Variants in P2RY12 observed in about 807,000 individuals in gnomAD.
P2RY12 encodes the protein purinergic receptor P2Y12.
In P2RY12, 3 loss-of-function variants were observed where a neutral mutation model predicts 4.5. The ratio of observed to expected loss-of-function variants is 0.67; its 90% CI spans 0.31 to 1.74. The LOEUF is 1.74. Among genes scored for constraint, P2RY12 ranks in the 40% most tolerant of loss-of-function variants. P2RY12 has a pLI of 0.09. For missense variants in P2RY12, 356 were observed against 407.8 expected (o/e 0.87, Z 1.09); for synonymous variants, 148 against 154.1 (o/e 0.96, Z 0.29).
At chr3:151,354,192 C>A (rs749297648) in intron 1 of P2RY12, among the ~76,000 whole-genome samples, 28 of 143,776 alleles carry the variant, frequency 1.9e-4, no homozygotes, top group Non-Finnish European at 3.2e-4. Flanking sequence ...ATGACATTAT[C>A]AATCATATAT....
intron 1 of P2RY12, among the ~76,000 whole-genome samples, chr3:151,361,060 A>G (rs1037602897): frequency 1.3e-5 from 2 of 151,978 alleles, no homozygotes; most frequent in Admixed American, 6.6e-5. Context: ...CTTTATTTGT[A>G]TCCCTCTTGA....
At chr3:151,368,892 G>A (rs1421499541) in intron 1 of P2RY12, among the ~76,000 whole-genome samples, 1 of 150,830 alleles carries the variant, frequency 6.6e-6, no homozygotes, top group African/African-American at 2.4e-5. Flanking sequence ...CTCTCAAGTA[G>A]CTGGGACTAT....
chr3:151,360,193 G>A (rs1433910622), intron 1 of P2RY12, among the ~76,000 whole-genome samples: 4 of 152,058 alleles, frequency 2.6e-5, no homozygotes, highest in East Asian at 1.9e-4. Context: ...CAACTTAATC[G>A]GTGGATTCCT....
intron 1 of P2RY12, chr3:151,357,482 A>G: frequency 1.0e-6 from 1 of 1,002,932 alleles, no homozygotes; most frequent in Non-Finnish European, 1.4e-6. Context: ...TACCTGTTTT[A>G]GTTAAAACAT....
chr3:151,368,350 T>TG, intron 1 of P2RY12: 1 of 1,037,422 alleles, frequency 9.6e-7, no homozygotes. Context: ...GCCTTCTTAA[T>TG]TTTTTGGGCA....
chr3:151,338,704 TC>T lies in P2RY12; in HGVS notation c.141del (p.Met47IlefsTer27). 6.2e-7 allele frequency: 1 copy of T among 1,613,588 alleles called. No individual in the cohort carries two copies. Among genetic ancestry groups the T allele is most frequent in the Non-Finnish European group, 8.5e-7 (1 of 1,179,830 alleles). The stretch of plus-strand genomic sequence containing the variant: ...TTACTCCGGATTTGAAAGAAAATCC[TC>T]ATCGCCAGGCCATTTGTGATAAGTC... Reference protein sequence around the residue: ...FVGLITNGLAMRIFFQIRSKS... With the variant: ...FVGLITNGLAXRIFFQIRSKS... On this transcript the variant is annotated frameshift_variant, in exon 3 of 3. Transcript: ENST00000302632. LOFTEE classifies it high-confidence loss of function.
intron 1 of P2RY12, chr3:151,357,096 A>C (rs1394557625): frequency 2.2e-6 from 2 of 914,384 alleles, no homozygotes; most frequent in Non-Finnish European, 3.2e-6. Flanking sequence ...AAAAAGTTAA[A>C]TTTAGGGAAT....
In P2RY12 at chr3:151,379,550, A is replaced by G. The variant is rs552920263; in HGVS notation, c.-180+5142T>C. On this transcript the variant is annotated intron_variant, in intron 1 of 2. Transcript: ENST00000302632. ...CCTGTGGGCTGTGTTGGAGCTGCAC[A>G]CTAGGGGTCGCCAGCAAGTACACTG... Among the ~76,000 whole-genome samples, 6 of 152,318 alleles carry G rather than the reference A, an allele frequency of 3.9e-5. No individual in the cohort carries two copies. The East Asian group carries it at 1.2e-3, about 29-fold the overall frequency.
At chr3:151,347,524 G>A (rs188621837) in intron 1 of P2RY12, among the ~76,000 whole-genome samples, 1 of 152,288 alleles carries the variant, frequency 6.6e-6, no homozygotes, top group Admixed American at 6.5e-5. Context: ...ATAAACTGGA[G>A]TGACAGAGTG....
intron 1 of P2RY12, among the ~76,000 whole-genome samples, chr3:151,377,493 T>C (rs539781706): frequency 6.6e-6 from 1 of 152,318 alleles, no homozygotes; most frequent in East Asian, 1.9e-4. Flanking sequence ...TTTTTATTAA[T>C]TAATTATTTT....
chr3:151,369,325 A>G (rs1424707677), intron 1 of P2RY12: 32 of 616,588 alleles, frequency 5.2e-5, no homozygotes, highest in Non-Finnish European at 9.0e-5. Context: ...AAGCAAGCTA[A>G]TGGCAATTAA....
intron 1 of P2RY12, among the ~76,000 whole-genome samples, chr3:151,370,719 G>T (rs979566668): frequency 5.9e-5 from 9 of 152,200 alleles, no homozygotes; most frequent in Non-Finnish European, 1.3e-4. Context: ...ATAGGGACTG[G>T]CTTTTTTACC....
chr3:151,366,088 C>T (rs1218508545), intron 1 of P2RY12: 1 of 1,045,004 alleles, frequency 9.6e-7, no homozygotes. Context: ...ATTGATTCAA[C>T]TGAAATGTTA....
intron 1 of P2RY12, among the ~76,000 whole-genome samples, chr3:151,367,430 C>A (rs1466548920): frequency 1.3e-5 from 2 of 152,092 alleles, no homozygotes; most frequent in Non-Finnish European, 2.9e-5. Flanking sequence ...TCAGTATTTT[C>A]TTACAGCATT....
At chr3:151,372,383 G>C (rs147938853) in intron 1 of P2RY12, among the ~76,000 whole-genome samples, 2 of 152,226 alleles carry the variant, frequency 1.3e-5, no homozygotes, top group South Asian at 2.1e-4. Context: ...ATTTCTGTTA[G>C]AAACTTCTCT....
chr3:151,375,596 C>T (rs73008523), intron 1 of P2RY12, among the ~76,000 whole-genome samples: 7,600 of 151,962 alleles, frequency 0.05, 644 homozygotes, highest in African/African-American at 0.17. Flanking sequence ...AAAGGAAGAT[C>T]GTTTTCTAAA....
At chr3:151,357,863 G>A (rs572403724) in intron 1 of P2RY12, among the ~76,000 whole-genome samples, 1 of 152,232 alleles carries the variant, frequency 6.6e-6, no homozygotes, top group Admixed American at 6.5e-5. Flanking sequence ...ATTTTCAGTT[G>A]TAGGCTGGGG....
chr3:151,369,306 C>T (rs540964390), intron 1 of P2RY12: 1 of 537,918 alleles, frequency 1.9e-6, no homozygotes, highest in South Asian at 3.1e-5. Context: ...ATCCATGAAG[C>T]ATCAATTAAA....
chr3:151,338,317 A>G lies in P2RY12; in HGVS notation c.529T>C (p.Phe177Leu). 1 of 1,614,152 alleles carries G rather than the reference A, an allele frequency of 6.2e-7. No homozygotes were observed. The highest frequency in any genetic ancestry group is 8.5e-7 in the Non-Finnish European group (1 of 1,180,004). ...ACTAGACCGAACTCTGATTTAAGGA[A>G]AGAGCATTTCTTCACATTCTTGTCT... is the stretch of plus-strand genomic sequence containing the variant. ...PRDKNVKKCS[F>L]LKSEFGLVWH... Residue 177 changes from phenylalanine to leucine, a missense_variant, in exon 3 of 3, where the codon TTC becomes CTC. Phe to Leu is a conservative substitution (Grantham distance 22, BLOSUM62 0). Coordinates refer to ENST00000302632, the MANE Select transcript of P2RY12 (RefSeq NM_022788.5).
Sources: gnomAD v4.1 joint callset for allele counts (sites outside exome capture counted in the v4.1 genomes callset) on GRCh38, gnomAD v4.1.1 for gene constraint, MANE v1.5 for transcripts, NCBI Gene and HGNC (gene_info 2026-07-23, HGNC 2026-07-21) for gene names.